Variants in NHLRC2 observed in about 807,000 individuals in gnomAD.
NHLRC2 encodes the protein NHL repeat-containing protein 2.
A neutral mutation model predicts 68.1 loss-of-function variants in NHLRC2; 33 were observed. The ratio of observed to expected loss-of-function variants is 0.48; its 90% CI spans 0.37 to 0.65. The LOEUF (loss-of-function observed/expected upper bound fraction) is 0.65. Ranked by LOEUF, NHLRC2 falls within the 30% of genes least tolerant of loss-of-function variation. The pLI, the probability that NHLRC2 is intolerant of heterozygous loss-of-function variation, is 0.00. For synonymous variants in NHLRC2, 311 were observed against 309.6 expected (o/e 1.00, Z -0.05); for missense variants, 761 against 853.8 (o/e 0.89, Z 1.35).
intron 1 of NHLRC2, among the ~76,000 whole-genome samples, chr10:113,857,598 G>C (rs1845771980): frequency 1.3e-5 from 2 of 152,126 alleles, no homozygotes; most frequent in Admixed American, 1.3e-4. Flanking sequence ...ATAATTAATA[G>C]TTGTAATAGC....
chr10:113,862,773 T>C (rs1845829269), intron 2 of NHLRC2, among the ~76,000 whole-genome samples: 1 of 152,180 alleles, frequency 6.6e-6, no homozygotes. Flanking sequence ...AGAGCTGGGA[T>C]GGCTATGCTA....
At chr10:113,858,800 A>G in intron 2 of NHLRC2, 120 bp downstream of exon 2, 1 of 630,462 alleles carries the variant, frequency 1.6e-6, no homozygotes, top group Admixed American at 2.7e-5. Context: ...TCTAAAAGTA[A>G]TCTCTTATCT....
At chr10:113,893,538 G>A (rs556794160) in intron 5 of NHLRC2, among the ~76,000 whole-genome samples, 23 of 152,140 alleles carry the variant, frequency 1.5e-4, no homozygotes, top group Admixed American at 1.3e-3. Context: ...AAGTGACCTG[G>A]GTGATGATTA....
intron 5 of NHLRC2, among the ~76,000 whole-genome samples, chr10:113,884,611 A>C (rs541055852): frequency 6.6e-6 from 1 of 151,132 alleles, no homozygotes; most frequent in South Asian, 2.1e-4. Context: ...AAGATAGACT[A>C]TGTGTTACTC....
In NHLRC2 at chr10:113,901,911, C is replaced by G; in HGVS notation, c.1371+14C>G. ...AGAGACCCCATGGTAATGACAGTCA[C>G]TCTTGCACAGTGCGCTCGGACACTG... On this transcript the variant is annotated intron_variant, in intron 7 of 10. Transcript: ENST00000369301. The G allele has an allele frequency of 6.4e-7, 1 of 1,553,768 alleles. No homozygotes were observed. The highest frequency in any genetic ancestry group is 1.1e-5 in the South Asian group (1 of 89,784).
In NHLRC2 at chr10:113,891,677, A is replaced by T. The variant is rs114397717; in HGVS notation, c.1040-6433A>T. Among the ~76,000 whole-genome samples the T allele has an allele frequency of 2.7e-3, 414 of 152,302 alleles. 3 individuals carry two copies. The highest frequency in any genetic ancestry group is 9.6e-3 in the African/African-American group (399 of 41,558). On this transcript the variant is annotated intron_variant, in intron 5 of 10. Coordinates refer to ENST00000369301, the MANE Select transcript of NHLRC2 (RefSeq NM_198514.4). Reference sequence around the variant, plus strand: ...ACCCTCAGCTTTCAGTCGTCCCTGTACAATGAAGCCACATGGTGGTTCCCT... The same window carrying T: ...ACCCTCAGCTTTCAGTCGTCCCTGTTCAATGAAGCCACATGGTGGTTCCCT...
intron 2 of NHLRC2, among the ~76,000 whole-genome samples, chr10:113,869,329 T>A (rs1845900562): frequency 6.6e-6 from 1 of 152,190 alleles, no homozygotes; most frequent in Non-Finnish European, 1.5e-5. Context: ...CAGGAAACAC[T>A]GAAAAGGTCA....
In NHLRC2 at chr10:113,858,432, T is replaced by C. The variant is rs570022359; in HGVS notation, c.179-96T>C. 8.0e-4 allele frequency: 610 copies of C among 764,150 alleles called. 6 individuals are homozygous for C. In the African/African-American group the frequency reaches 9.6e-3, roughly 12 times the overall value. The allele number at this position is 764,150 out of a possible 1,614,324, so 47.3% of individuals were successfully genotyped here. The stretch of plus-strand genomic sequence containing the variant: ...TACTCTCTCAAAGTGTTTATTTGCA[T>C]TAGTCTTAAAAAAAAAGGTCACATT... On this transcript the variant is annotated intron_variant, in intron 1 of 10. Coordinates refer to ENST00000369301, the MANE Select transcript of NHLRC2 (RefSeq NM_198514.4).
chr10:113,876,551 C>G lies in NHLRC2; in HGVS notation c.362C>G (p.Ala121Gly). Residue 121 changes from alanine (A) to glycine (G), a missense_variant, in exon 3 of 11, where the codon GCT becomes GGT. Coordinates refer to ENST00000369301, the MANE Select transcript of NHLRC2 (RefSeq NM_198514.4). ...DGLLIIGVHS[A>G]KFPNEKVLDN... ...CTTCTTATTATTGGTGTTCACTCGG[C>G]TAAGTTTCCAAATGAAAAAGTCCTG... The G allele has an allele frequency of 6.2e-7, 1 of 1,606,376 alleles. No homozygotes were observed. The highest frequency in any genetic ancestry group is 8.5e-7 in the Non-Finnish European group (1 of 1,175,674).
chr10:113,867,466 T>C (rs1204330029), intron 2 of NHLRC2, among the ~76,000 whole-genome samples: 1 of 152,262 alleles, frequency 6.6e-6, no homozygotes, highest in Non-Finnish European at 1.5e-5. Context: ...CAATTTAGTG[T>C]TCAGCGATTT....
Position 113,876,513 on chromosome 10 carries a change from C to T in NHLRC2, c.332-8C>T. The T allele has an allele frequency of 6.7e-7, 1 of 1,502,602 alleles. No individual in the cohort carries two copies. The highest frequency in any genetic ancestry group is 9.0e-7 in the Non-Finnish European group (1 of 1,105,746). The allele number at this position is 1,502,602 out of a possible 1,614,324, so 93.1% of individuals were successfully genotyped here. On this transcript the variant is annotated splice_polypyrimidine_tract_variant and splice_region_variant and intron_variant, in intron 2 of 10. Coordinates refer to ENST00000369301, the MANE Select transcript of NHLRC2 (RefSeq NM_198514.4). ...AATAATGTTTAACATATAATTTTTT[C>T]CTTTCAGATGGTCTTCTTATTATTG...
At chr10:113,856,155 G>A (rs1489316261) in intron 1 of NHLRC2, among the ~76,000 whole-genome samples, 1 of 152,248 alleles carries the variant, frequency 6.6e-6, no homozygotes, top group Admixed American at 6.5e-5. Context: ...CGGCAGGGAT[G>A]TTTGTGAAGC....
At position 113,854,833 on chromosome 10, in the gene NHLRC2, C is replaced by A; in HGVS notation, c.-40C>A. 2 of 1,515,922 alleles carry A rather than the reference C, an allele frequency of 1.3e-6. No homozygotes were observed. Among genetic ancestry groups the A allele is most frequent in the Non-Finnish European group, 8.8e-7 (1 of 1,131,248 alleles). 93.9% of individuals were successfully genotyped at this position (1,515,922 alleles called of 1,614,324 possible). ...GTTTCGTCTCTCCCAGCGAGACTCTCCCGCGGGCCCGGCGGCCGCATCGGG... is the reference window on the plus strand; with the variant it reads ...GTTTCGTCTCTCCCAGCGAGACTCTACCGCGGGCCCGGCGGCCGCATCGGG... On this transcript the variant is annotated 5_prime_UTR_variant, in exon 1 of 11. Coordinates refer to ENST00000369301, the MANE Select transcript of NHLRC2 (RefSeq NM_198514.4).
rs1258136212 is a variant in NHLRC2 at position 113,876,734 on chromosome 10, G to A, written c.545G>A (p.Gly182Glu). The A allele has an allele frequency of 1.1e-5, 18 of 1,612,972 alleles. No homozygotes were observed. The highest frequency in any genetic ancestry group is 1.7e-4 in the Middle Eastern group (1 of 6,050). The change falls in exon 3 of 11, where the codon GGA becomes GAA. Residue 182 changes from glycine (G) to glutamate (E), a missense_variant. Physicochemically the swap from Gly to Glu is moderately conservative, Grantham distance 98. Transcript: ENST00000369301. ...ATGTTGTTTTCTTTGATTGGAGAGG[G>A]ACACAAAGATAAATTATTTTTATAT... ...GNMLFSLIGE[G>E]HKDKLFLYTS...
intron 5 of NHLRC2, among the ~76,000 whole-genome samples, chr10:113,896,247 C>T (rs1846176585): frequency 6.6e-6 from 1 of 151,936 alleles, no homozygotes; most frequent in South Asian, 2.1e-4. Context: ...TTCACAATAG[C>T]AAAGACTTGG....
At position 113,915,660 on chromosome 10, in the gene NHLRC2, G is replaced by A. The variant is rs1291082022; in HGVS notation, c.*7124G>A. Reference sequence around the variant, plus strand: ...CCCATTTTTTTGTTTTTAAGAGATAGGGTCTTGCTGTGTTGCCCAGGCTAG... The same window carrying A: ...CCCATTTTTTTGTTTTTAAGAGATAAGGTCTTGCTGTGTTGCCCAGGCTAG... On this transcript the variant is annotated 3_prime_UTR_variant, in exon 11 of 11. Coordinates refer to ENST00000369301, the MANE Select transcript of NHLRC2 (RefSeq NM_198514.4). 4.4e-6 allele frequency: 1 copy of A among 228,318 alleles called. No homozygotes were observed. Among genetic ancestry groups the A allele is most frequent in the Non-Finnish European group, 8.6e-6 (1 of 115,886 alleles). 14.1% of individuals were successfully genotyped at this position (228,318 alleles called of 1,614,324 possible).
At chr10:113,889,106 T>C (rs1589544269) in intron 5 of NHLRC2, among the ~76,000 whole-genome samples, 9 of 152,034 alleles carry the variant, frequency 5.9e-5, no homozygotes, top group Admixed American at 5.2e-4. Context: ...GGATTACAGG[T>C]ATGAGCCACT....
At chr10:113,904,567 A>G (rs1184558065) in intron 9 of NHLRC2, among the ~76,000 whole-genome samples, 1 of 152,176 alleles carries the variant, frequency 6.6e-6, no homozygotes, top group Non-Finnish European at 1.5e-5. Flanking sequence ...CCGTCTATAT[A>G]CATTGGACAG....
chr10:113,888,705 T>C (rs1298064584), intron 5 of NHLRC2, among the ~76,000 whole-genome samples: 2 of 152,176 alleles, frequency 1.3e-5, no homozygotes, highest in Admixed American at 6.5e-5. Context: ...AGTAAGTTCA[T>C]TTTTTCAGCA....
Sources: gnomAD v4.1 joint callset for allele counts (sites outside exome capture counted in the v4.1 genomes callset) on GRCh38, gnomAD v4.1.1 for gene constraint, MANE v1.5 for transcripts, NCBI Gene and HGNC (gene_info 2026-07-23, HGNC 2026-07-21) for gene names.